NEK1: variants seen among roughly 807,000 people sequenced by gnomAD.
The protein encoded by NEK1 is NIMA related kinase 1, also known as serine/threonine-protein kinase Nek1.
A neutral mutation model predicts 182.1 loss-of-function variants in NEK1; 137 were observed. The ratio of observed to expected loss-of-function variants is 0.75; its 90% CI spans 0.65 to 0.87. The LOEUF is 0.87. Ranked by LOEUF, NEK1 falls within the 40% of genes least tolerant of loss-of-function variation. NEK1 has a pLI of 0.00. For missense variants in NEK1, 1,391 were observed against 1,494.4 expected (o/e 0.93, Z 1.14); for synonymous variants, 513 against 492.2 (o/e 1.04, Z -0.56).
intron 12 of NEK1, among the ~76,000 whole-genome samples, chr4:169,574,366 C>T (rs539239344): frequency 3.3e-5 from 5 of 151,962 alleles, no homozygotes; most frequent in Admixed American, 2.6e-4. Context: ...GAGGCCAAGG[C>T]GGGCGGATCA....
At chr4:169,526,624 C>A (rs1756940614) in intron 19 of NEK1, among the ~76,000 whole-genome samples, 2 of 152,170 alleles carry the variant, frequency 1.3e-5, no homozygotes, top group South Asian at 4.1e-4. Flanking sequence ...ACTGTGGTTT[C>A]CCAAAGCAGT....
At chr4:169,577,451 G>A (rs939424877) in intron 11 of NEK1, among the ~76,000 whole-genome samples, 7 of 152,286 alleles carry the variant, frequency 4.6e-5, no homozygotes, top group Middle Eastern at 3.4e-3. Flanking sequence ...TGTATGGTAT[G>A]TAAGTTATGT....
chr4:169,586,023 GCTCA>G (rs1295001276), intron 9 of NEK1, among the ~76,000 whole-genome samples: 1 of 152,052 alleles, frequency 6.6e-6, no homozygotes, highest in Non-Finnish European at 1.5e-5. Flanking sequence ...TTTAGACAAT[GCTCA>G]CTATTATGTG....
chr4:169,537,089 C>CT (rs1758629732), intron 19 of NEK1, among the ~76,000 whole-genome samples: 1 of 152,114 alleles, frequency 6.6e-6, no homozygotes, highest in African/African-American at 2.4e-5. Context: ...TAACCTATTT[C>CT]TTATATGAGT....
chr4:169,558,246 A>G (rs28650100), intron 16 of NEK1, among the ~76,000 whole-genome samples: 13,416 of 152,228 alleles, frequency 0.088, 772 homozygotes, highest in African/African-American at 0.16. Flanking sequence ...TACTCAAAAT[A>G]ATGTTGAAAA....
intron 19 of NEK1, among the ~76,000 whole-genome samples, chr4:169,524,472 A>G (rs1429039119): frequency 6.6e-6 from 1 of 151,920 alleles, no homozygotes; most frequent in Non-Finnish European, 1.5e-5. Flanking sequence ...AAAAAAAAAA[A>G]AAAAAAAAGA....
chr4:169,551,696 G>A (rs1298569125), intron 18 of NEK1, among the ~76,000 whole-genome samples: 1 of 152,034 alleles, frequency 6.6e-6, no homozygotes, highest in African/African-American at 2.4e-5. Context: ...CACCACTATA[G>A]GGATTTGGAA....
chr4:169,593,270 TC>T (rs1768844419), intron 5 of NEK1, among the ~76,000 whole-genome samples: 1 of 152,182 alleles, frequency 6.6e-6, no homozygotes, highest in African/African-American at 2.4e-5. Context: ...ACTCAAGTCT[TC>T]CATTATAGCA....
intron 27 of NEK1, among the ~76,000 whole-genome samples, chr4:169,459,557 C>T (rs1743557821): frequency 6.6e-6 from 1 of 152,166 alleles, no homozygotes; most frequent in Admixed American, 6.5e-5. Context: ...AACTTAAGTC[C>T]ACACAAAAAC....
chr4:169,478,788 T>C (rs1391409852), intron 24 of NEK1, among the ~76,000 whole-genome samples: 1 of 152,154 alleles, frequency 6.6e-6, no homozygotes, highest in Non-Finnish European at 1.5e-5. Flanking sequence ...CTCCACACTA[T>C]GAGCCCACTT....
intron 27 of NEK1, among the ~76,000 whole-genome samples, chr4:169,458,827 CAAA>C (rs201340623): frequency 1.1e-4 from 10 of 90,340 alleles, no homozygotes; most frequent in Admixed American, 2.6e-4. Flanking sequence ...GACCCCATCT[CAAA>C]AAAAAAAAAA....
rs1490115588 is a variant in NEK1, at chr4:169,575,962, TTTC to T, written c.1020+963_1020+965del. Among the ~76,000 whole-genome samples, 2 of 151,666 alleles carry T rather than the reference TTTC, an allele frequency of 1.3e-5. 1 individual carries two copies. The highest frequency in any genetic ancestry group is 4.1e-4 in the South Asian group (2 of 4,826). The stretch of plus-strand genomic sequence containing the variant: ...ATTTTATTATTATAATTTTTCTAAA[TTTC>T]TTTTTTGTTTTTTTTTTTGAAACAG... On this transcript the variant is annotated intron_variant, in intron 12 of 35. Transcript: ENST00000507142.
chr4:169,586,236 C>T (rs1265920313), intron 9 of NEK1, among the ~76,000 whole-genome samples: 3 of 151,862 alleles, frequency 2.0e-5, no homozygotes, highest in Non-Finnish European at 4.4e-5. Flanking sequence ...TATTACAGAA[C>T]AATTGTACAA....
At chr4:169,513,762 A>T (rs992280577) in intron 19 of NEK1, among the ~76,000 whole-genome samples, 4 of 151,962 alleles carry the variant, frequency 2.6e-5, no homozygotes, top group Non-Finnish European at 2.9e-5. Context: ...GACAGTTATT[A>T]TTTTTTTAAA....
intron 5 of NEK1, among the ~76,000 whole-genome samples, chr4:169,593,161 T>C (rs1167313515): frequency 1.3e-5 from 2 of 150,494 alleles, no homozygotes; most frequent in Non-Finnish European, 3.0e-5. Context: ...AAAAAAAAAT[T>C]AATGAAAGAG....
At chr4:169,432,417 T>C (rs574716879) in intron 29 of NEK1, among the ~76,000 whole-genome samples, 2 of 152,354 alleles carry the variant, frequency 1.3e-5, no homozygotes, top group African/African-American at 4.8e-5. Flanking sequence ...AAAGTCACTT[T>C]ATATAAAAAG....
At chr4:169,525,530 C>T (rs1445598401) in intron 19 of NEK1, among the ~76,000 whole-genome samples, 5 of 151,926 alleles carry the variant, frequency 3.3e-5, no homozygotes, top group Admixed American at 6.6e-5. Context: ...ATTTACTATA[C>T]AGGATAATCT....
intron 12 of NEK1, among the ~76,000 whole-genome samples, chr4:169,573,851 T>G (rs1352487598): frequency 2.6e-5 from 4 of 152,172 alleles, no homozygotes; most frequent in Non-Finnish European, 5.9e-5. Context: ...AGACAAGATA[T>G]TTGAAAGAGA....
chr4:169,451,585 C>T (rs183894425), intron 27 of NEK1, among the ~76,000 whole-genome samples: 365 of 152,214 alleles, frequency 2.4e-3, no homozygotes, highest in Middle Eastern at 0.01. Flanking sequence ...TCTTTGAAAC[C>T]AATGAGAACA....
Sources: gnomAD v4.1 joint callset for allele counts (sites outside exome capture counted in the v4.1 genomes callset) on GRCh38, gnomAD v4.1.1 for gene constraint, MANE v1.5 for transcripts, NCBI Gene and HGNC (gene_info 2026-07-23, HGNC 2026-07-21) for gene names.